The following SDK1 variants were observed in gnomAD, a reference collection of about 807,000 sequenced individuals.
The protein encoded by SDK1 is protein sidekick-1.
SDK1 carries 157 observed loss-of-function variants against 245.5 expected under a neutral mutation model. The ratio of observed to expected loss-of-function variants is 0.64; its 90% CI spans 0.56 to 0.73. The LOEUF (loss-of-function observed/expected upper bound fraction) is 0.73, where lower values mean the gene tolerates loss of function less well. Among genes scored for constraint, SDK1 ranks in the 30% least tolerant of loss-of-function variants. SDK1 has a pLI of 0.00. For missense variants in SDK1, 3,583 were observed against 3,002.3 expected (o/e 1.19, Z -4.52); for synonymous variants, 1,647 against 1,278.5 (o/e 1.29, Z -6.15).
intron 1 of SDK1, among the ~76,000 whole-genome samples, chr7:3,311,331 A>G (rs1315866175): frequency 6.6e-6 from 1 of 152,146 alleles, no homozygotes; most frequent in Admixed American, 6.5e-5. Flanking sequence ...ACAAAAGGCC[A>G]TTGGATTTGT....
chr7:3,696,268 G>C (rs1361699490), intron 4 of SDK1, among the ~76,000 whole-genome samples: 1 of 152,030 alleles, frequency 6.6e-6, no homozygotes, highest in Admixed American at 6.6e-5. Flanking sequence ...TCCACTGTGT[G>C]ATCTTGGTCA....
intron 1 of SDK1, among the ~76,000 whole-genome samples, chr7:3,446,260 ATC>A (rs1242272638): frequency 1.3e-5 from 2 of 152,122 alleles, no homozygotes; most frequent in African/African-American, 4.8e-5. Flanking sequence ...ACCCTCTATT[ATC>A]TCTATTTTGT....
intron 1 of SDK1, among the ~76,000 whole-genome samples, chr7:3,323,580 G>A (rs1268120673): frequency 6.6e-6 from 1 of 152,150 alleles, no homozygotes; most frequent in African/African-American, 2.4e-5. Context: ...TGCTTCTAGA[G>A]GTCAACTTGA....
chr7:3,474,806 A>C (rs1220656618), intron 1 of SDK1, among the ~76,000 whole-genome samples: 1 of 152,076 alleles, frequency 6.6e-6, no homozygotes, highest in East Asian at 1.9e-4. Flanking sequence ...TCTTCCTACC[A>C]CAACCTCTTC....
chr7:3,849,000 T>G (rs908213338), intron 5 of SDK1, among the ~76,000 whole-genome samples: 1 of 152,188 alleles, frequency 6.6e-6, no homozygotes, highest in Non-Finnish European at 1.5e-5. Flanking sequence ...ATGCCACTTC[T>G]CTTCTTCCGG....
At chr7:3,675,279 A>G (rs1003991768) in intron 4 of SDK1, among the ~76,000 whole-genome samples, 1 of 152,120 alleles carries the variant, frequency 6.6e-6, no homozygotes, top group Non-Finnish European at 1.5e-5. Context: ...TCAAAATCCA[A>G]CATTTAGCTG....
At chr7:4,155,521 A>G (rs549691615) in intron 30 of SDK1, among the ~76,000 whole-genome samples, 30 of 152,356 alleles carry the variant, frequency 2.0e-4, no homozygotes, top group African/African-American at 7.0e-4. Context: ...AATCATAGCA[A>G]AGTGTGAAGT....
intron 1 of SDK1, among the ~76,000 whole-genome samples, chr7:3,417,394 A>T (rs141013910): frequency 6.6e-6 from 1 of 152,118 alleles, no homozygotes; most frequent in South Asian, 2.1e-4. Context: ...AAGTTTGCCA[A>T]ACTTTTTTTC....
At chr7:3,410,451 T>G (rs1472217022) in intron 1 of SDK1, among the ~76,000 whole-genome samples, 1 of 152,140 alleles carries the variant, frequency 6.6e-6, no homozygotes, top group East Asian at 1.9e-4. Flanking sequence ...TCACTTCTGG[T>G]TTGAGACGTT....
At chr7:4,172,120 C>T (rs750869030) in intron 32 of SDK1, among the ~76,000 whole-genome samples, 2 of 152,182 alleles carry the variant, frequency 1.3e-5, no homozygotes, top group African/African-American at 2.4e-5. Flanking sequence ...TTATGCTTTT[C>T]CGCGTCTGAG....
Position 4,221,352 on chromosome 7 carries a change from G to T in SDK1, c.5815G>T (p.Ala1939Ser), listed in dbSNP as rs957097445. ...DTPTTGYVIE[A>S]RPSDEGLWDM... ...ACCTACCACGGGCTATGTGATCGAG[G>T]CCCGGCCCTCAGGTAGGGTGGCAGG... Residue 1939 changes from alanine (A) to serine (S), a missense_variant, in exon 40 of 45, where the codon GCC becomes TCC. Transcript: ENST00000404826. The T allele has an allele frequency of 6.8e-6, 11 of 1,609,102 alleles. No homozygotes were observed. The highest frequency in any genetic ancestry group is 9.3e-6 in the Non-Finnish European group (11 of 1,178,018).
At chr7:3,475,635 GTT>G (rs759532361) in intron 1 of SDK1, among the ~76,000 whole-genome samples, 3 of 152,198 alleles carry the variant, frequency 2.0e-5, no homozygotes, top group Non-Finnish European at 4.4e-5. Flanking sequence ...ACATGATTAT[GTT>G]ATGGCCAGGT....
At chr7:3,406,075 A>T (rs945645444) in intron 1 of SDK1, among the ~76,000 whole-genome samples, 1 of 151,970 alleles carries the variant, frequency 6.6e-6, no homozygotes. Flanking sequence ...GGCCTCCCAA[A>T]GTGCTGGGAT....
At chr7:3,686,310 G>A (rs998696076) in intron 4 of SDK1, among the ~76,000 whole-genome samples, 1 of 152,118 alleles carries the variant, frequency 6.6e-6, no homozygotes, top group East Asian at 1.9e-4. Context: ...TCCTGACCTC[G>A]GGTGATCCAC....
rs76753223 is a variant in SDK1, at chr7:3,940,442, G to A, written c.848-10481G>A. ...GTTGTATGCCTGAAAATGCCTGTTCGTTTGGAAAAAGACAATAGCTTCCCG... is the reference window on the plus strand; with the variant it reads ...GTTGTATGCCTGAAAATGCCTGTTCATTTGGAAAAAGACAATAGCTTCCCG... On this transcript the variant is annotated intron_variant, in intron 5 of 44. Transcript: ENST00000404826. Among the ~76,000 whole-genome samples, 735 of 152,280 alleles carry A rather than the reference G, an allele frequency of 4.8e-3. 4 individuals are homozygous for A. Among genetic ancestry groups the A allele is most frequent in the African/African-American group, 0.017 (715 of 41,540 alleles).
At chr7:4,259,535 C>T (rs931095880) in intron 44 of SDK1, among the ~76,000 whole-genome samples, 1 of 152,130 alleles carries the variant, frequency 6.6e-6, no homozygotes, top group African/African-American at 2.4e-5. Context: ...CAGTGTTTCT[C>T]AAGTTTGGGA....
At chr7:4,234,858 G>A (rs1454608505) in intron 41 of SDK1, among the ~76,000 whole-genome samples, 1 of 152,204 alleles carries the variant, frequency 6.6e-6, no homozygotes, top group Non-Finnish European at 1.5e-5. Context: ...AGGGCAGGGA[G>A]GCCTCGGCGT....
In SDK1 at chr7:4,118,865, C is replaced by G. The variant is rs561849135; in HGVS notation, c.3823+4591C>G. Among the ~76,000 whole-genome samples, 22 of 148,798 alleles carry G rather than the reference C, an allele frequency of 1.5e-4. 4 individuals are homozygous for G. The South Asian group carries it at 4.4e-3, about 30-fold the overall frequency. ...GTGTGATTCTATTTGTAGGAAACAT[C>G]TAGAATAGGCAAATCTAGAGAGGCA... On this transcript the variant is annotated intron_variant, in intron 25 of 44. Transcript: ENST00000404826.
At chr7:3,798,211 CTTTTTTTTTT>C (rs71029699) in intron 4 of SDK1, among the ~76,000 whole-genome samples, 8 of 53,612 alleles carry the variant, frequency 1.5e-4, no homozygotes, top group Admixed American at 8.3e-4. Flanking sequence ...CCTTGGCACT[CTTTTTTTTTT>C]TTTTTTTTTT....
Sources: gnomAD v4.1 joint callset for allele counts (sites outside exome capture counted in the v4.1 genomes callset) on GRCh38, gnomAD v4.1.1 for gene constraint, MANE v1.5 for transcripts, NCBI Gene and HGNC (gene_info 2026-07-23, HGNC 2026-07-21) for gene names.